The following HSF2BP variants were observed in gnomAD, a reference collection of about 807,000 sequenced individuals.
HSF2BP encodes heat shock transcription factor 2 binding protein, also known as heat shock factor 2-binding protein.
In HSF2BP, 35 loss-of-function variants were observed where a neutral mutation model predicts 35.0. The ratio of observed to expected loss-of-function variants is 1.00; its 90% CI spans 0.76 to 1.32. HSF2BP has a LOEUF of 1.32. Ranked by LOEUF, HSF2BP falls within the 40% of genes most tolerant of loss-of-function variation. The pLI, the probability that HSF2BP is intolerant of heterozygous loss-of-function variation, is 0.00. For synonymous variants in HSF2BP, 114 were observed against 117.4 expected (o/e 0.97, Z 0.18); for missense variants, 326 against 321.7 (o/e 1.01, Z -0.10).
the HSF2BP span, among the ~76,000 whole-genome samples, chr21:43,467,630 G>A: frequency 6.6e-6 from 1 of 151,432 alleles, no homozygotes; most frequent in Non-Finnish European, 1.5e-5. Flanking sequence ...TAAATGCACA[G>A]GGGCCGGGGT....
the HSF2BP span, among the ~76,000 whole-genome samples, chr21:43,505,419 C>T: frequency 3.7e-5 from 4 of 108,844 alleles, no homozygotes; most frequent in African/African-American, 1.3e-4. Flanking sequence ...CTTCGCTCAC[C>T]GTGGCCAGAG....
At chr21:43,605,792 C>T (rs748879825) in intron 7 of HSF2BP, among the ~76,000 whole-genome samples, 1 of 151,526 alleles carries the variant, frequency 6.6e-6, no homozygotes, top group Non-Finnish European at 1.5e-5. Context: ...ACACTCACAC[C>T]ATAAACATGC....
chr21:43,594,461 T>C (rs913701105), intron 7 of HSF2BP, among the ~76,000 whole-genome samples: 30 of 152,310 alleles, frequency 2.0e-4, no homozygotes, highest in Middle Eastern at 6.8e-3. Flanking sequence ...CTAAGATCCT[T>C]CTACTGTTTA....
chr21:43,582,045 TTGTGGGGGATGAGGGCCTGC>T (rs2081749844), intron 8 of HSF2BP, among the ~76,000 whole-genome samples: 3 of 23,796 alleles, frequency 1.3e-4, no homozygotes, highest in Non-Finnish European at 2.3e-4. Flanking sequence ...AGGGGCCCTG[TTGTGGGGGATGAGGGCCTGC>T]TGTGGGAGAT....
chr21:43,638,104 T>C (rs1232638823), intron 4 of HSF2BP, among the ~76,000 whole-genome samples: 2 of 152,120 alleles, frequency 1.3e-5, no homozygotes, highest in East Asian at 3.8e-4. Context: ...ATGACATGAT[T>C]GTCCATGTAG....
chr21:43,632,092 ACACACGCTCTCCCCACACACACG>A, intron 5 of HSF2BP, among the ~76,000 whole-genome samples: 1 of 18,866 alleles, frequency 5.3e-5, no homozygotes, highest in Non-Finnish European at 1.0e-4. Context: ...TCCCACACAC[ACACACGCTCTCCCCACACACACG>A]CTCCCCCAAA....
chr21:43,574,911 G>A (rs1029831918), intron 8 of HSF2BP, among the ~76,000 whole-genome samples: 2 of 152,134 alleles, frequency 1.3e-5, no homozygotes, highest in African/African-American at 2.4e-5. Flanking sequence ...CCAGCAGCAC[G>A]AGCCATGGCA....
chr21:43,627,471 A>G (rs1186569788), intron 6 of HSF2BP, among the ~76,000 whole-genome samples: 2 of 152,250 alleles, frequency 1.3e-5, no homozygotes, highest in African/African-American at 4.8e-5. Context: ...TACACAGAAC[A>G]TGCAAACTCA....
At chr21:43,609,268 G>A (rs1401463501) in intron 7 of HSF2BP, among the ~76,000 whole-genome samples, 3 of 152,088 alleles carry the variant, frequency 2.0e-5, no homozygotes, top group Non-Finnish European at 4.4e-5. Flanking sequence ...AAGAGACACT[G>A]GAGACTCCAA....
the HSF2BP span, among the ~76,000 whole-genome samples, chr21:43,501,397 CTT>C: frequency 2.5e-4 from 16 of 65,228 alleles, no homozygotes; most frequent in African/African-American, 1.2e-3. Flanking sequence ...CTGTAGCTGT[CTT>C]TTTTTTTTTT....
chr21:43,639,471 T>C (rs2082607309), intron 4 of HSF2BP, among the ~76,000 whole-genome samples: 1 of 151,714 alleles, frequency 6.6e-6, no homozygotes, highest in Non-Finnish European at 1.5e-5. Context: ...AAAATCCAAT[T>C]AGAACATGGG....
At position 43,630,471 on chromosome 21, in the gene HSF2BP, CAG is replaced by C. The variant is rs761974681; in HGVS notation, c.442-19_442-18del. ...AGCTTTATCCTGAAAGTTTGAAAATCAGAGTGTCATATCTTTTTACAGACACT... is the reference window on the plus strand; with the variant it reads ...AGCTTTATCCTGAAAGTTTGAAAATCAGTGTCATATCTTTTTACAGACACT... On this transcript the variant is annotated intron_variant, in intron 5 of 8. Coordinates refer to ENST00000291560, the MANE Select transcript of HSF2BP (RefSeq NM_007031.2). 7 of 1,605,456 alleles carry C rather than the reference CAG, an allele frequency of 4.4e-6. No homozygotes were observed. In the Admixed American group the frequency reaches 5.2e-5, roughly 12 times the overall value.
chr21:43,647,243 A>AT (rs968998889), intron 3 of HSF2BP, among the ~76,000 whole-genome samples: 322 of 149,784 alleles, frequency 2.1e-3, no homozygotes, highest in South Asian at 3.8e-3. Context: ...TGAAACAACA[A>AT]TTTTTTTTTT....
At chr21:43,595,312 A>G (rs11911735) in intron 7 of HSF2BP, among the ~76,000 whole-genome samples, 6,234 of 152,200 alleles carry the variant, frequency 0.041, 440 homozygotes, top group African/African-American at 0.14. Context: ...GATATATCAA[A>G]CAAATACTAA....
At chr21:43,644,257 G>C in intron 4 of HSF2BP, 32 bp downstream of exon 4, 2 of 1,543,310 alleles carry the variant, frequency 1.3e-6, no homozygotes, top group Non-Finnish European at 1.8e-6. Context: ...CCACTTTCTG[G>C]CTTGGTGAGA....
At chr21:43,632,738 G>A (rs985377322) in intron 5 of HSF2BP, among the ~76,000 whole-genome samples, 1 of 152,160 alleles carries the variant, frequency 6.6e-6, no homozygotes, top group African/African-American at 2.4e-5. Context: ...TACAAAAAAT[G>A]TGTTAATCAA....
chr21:43,590,143 C>T (rs2081908189), intron 8 of HSF2BP, among the ~76,000 whole-genome samples: 2 of 152,190 alleles, frequency 1.3e-5, no homozygotes, highest in Non-Finnish European at 2.9e-5. Flanking sequence ...AGGACACAAA[C>T]CGAATACATA....
chr21:43,588,899 T>C (rs954590226), intron 8 of HSF2BP, among the ~76,000 whole-genome samples: 3 of 152,188 alleles, frequency 2.0e-5, no homozygotes, highest in African/African-American at 7.2e-5. Context: ...AGTACAAGCA[T>C]AGCCCCCTGG....
chr21:43,612,479 G>A (rs375451069), intron 7 of HSF2BP, among the ~76,000 whole-genome samples: 90 of 152,032 alleles, frequency 5.9e-4, no homozygotes, highest in East Asian at 3.7e-3. Context: ...GTGAAACCCC[G>A]TCTCTACTAA....
Sources: allele counts gnomAD v4.1 joint callset (sites outside exome capture counted in the v4.1 genomes callset), GRCh38; gene constraint gnomAD v4.1.1; transcripts MANE v1.5; gene names NCBI Gene and HGNC (gene_info 2026-07-23, HGNC 2026-07-21).